HOOK3: variants seen among roughly 807,000 people sequenced by gnomAD.
HOOK3 encodes protein Hook homolog 3.
A neutral mutation model predicts 116.3 loss-of-function variants in HOOK3; 24 were observed. The observed-to-expected ratio is 0.21, with a 90% CI of 0.15 to 0.29. The LOEUF (loss-of-function observed/expected upper bound fraction) is 0.29. Ranked by LOEUF, HOOK3 falls within the 10% of genes least tolerant of loss-of-function variation. The probability of loss-of-function intolerance (pLI) is 1.00; values close to 1 mark genes in which losing one functional copy is unlikely to be tolerated. For synonymous variants in HOOK3, 275 were observed against 283.0 expected (o/e 0.97, Z 0.28); for missense variants, 632 against 830.2 (o/e 0.76, Z 2.93).
At chr8:42,967,095 CTT>C (rs561097125) in intron 10 of HOOK3, among the ~76,000 whole-genome samples, 127 of 152,156 alleles carry the variant, frequency 8.3e-4, no homozygotes, top group South Asian at 2.5e-3. Flanking sequence ...ACATTTTCCA[CTT>C]TTGCTCTTTG....
In HOOK3 at chr8:42,996,429, C is replaced by G; in HGVS notation, c.1533-1121C>G. On this transcript the variant is annotated intron_variant, in intron 15 of 21. Transcript: ENST00000307602. Reference sequence around the variant, plus strand: ...GAAAAAGAAAAAGAAAAAAGAAAGTCAAGCCGTGGAATCAGCGTTATTTAA... The same window carrying G: ...GAAAAAGAAAAAGAAAAAAGAAAGTGAAGCCGTGGAATCAGCGTTATTTAA... Among the ~76,000 whole-genome samples, 2 of 150,982 alleles carry G rather than the reference C, an allele frequency of 1.3e-5. 1 individual carries two copies. The highest frequency in any genetic ancestry group is 3.0e-5 in the Non-Finnish European group (2 of 67,710).
Position 42,982,636 on chromosome 8 carries a change from C to T in HOOK3, c.1331C>T (p.Pro444Leu), listed in dbSNP as rs149857905. 136 of 1,608,628 alleles carry T rather than the reference C, an allele frequency of 8.5e-5. No homozygotes were observed. The East Asian group carries it at 2.5e-3, about 29-fold the overall frequency. The change falls in exon 14 of 22, where the codon CCT (proline) becomes CTT (leucine). Residue 444 changes from proline (P) to leucine (L), a missense_variant. Around this residue, in one of 3 missense-constraint regions of HOOK3, gnomAD observed 483 missense variants for 648.1 expected, o/e 0.75. Coordinates refer to ENST00000307602, the MANE Select transcript of HOOK3 (RefSeq NM_032410.4). The stretch of plus-strand genomic sequence containing the variant: ...GTTTGTATATTTACAGGGTTAATGC[C>T]TCTTGGAAGTCAGGAGTCTTCAGAC... Reference protein sequence around the residue: ...EGQLTTQGLMPLGSQESSDSL... With the variant: ...EGQLTTQGLMLLGSQESSDSL...
chr8:42,922,602 A>G (rs769562812), intron 2 of HOOK3, among the ~76,000 whole-genome samples: 2 of 151,874 alleles, frequency 1.3e-5, no homozygotes, highest in Non-Finnish European at 2.9e-5. Context: ...TGCCATCAAG[A>G]AAGTGGAAAA....
At chr8:42,909,401 A>G (rs1457656291) in intron 2 of HOOK3, among the ~76,000 whole-genome samples, 1 of 152,248 alleles carries the variant, frequency 6.6e-6, no homozygotes, top group Non-Finnish European at 1.5e-5. Context: ...ATAAGTGCCT[A>G]TTAGCGAATG....
At chr8:42,919,754 A>G (rs1345268787) in intron 2 of HOOK3, among the ~76,000 whole-genome samples, 1 of 152,220 alleles carries the variant, frequency 6.6e-6, no homozygotes, top group Non-Finnish European at 1.5e-5. Flanking sequence ...CAGCCCAGCC[A>G]ACACGGTGAA....
chr8:42,976,822 G>A (rs1004897289), intron 13 of HOOK3, among the ~76,000 whole-genome samples: 13 of 152,154 alleles, frequency 8.5e-5, no homozygotes, highest in Admixed American at 3.3e-4. Context: ...GCGTGAACCC[G>A]GGAGGCAGAG....
chr8:42,956,987 A>G (rs1335251269), intron 6 of HOOK3, 107 bp from the exon 7 acceptor site: 2 of 558,740 alleles, frequency 3.6e-6, no homozygotes, highest in Non-Finnish European at 6.0e-6. Flanking sequence ...TTTCATTTTA[A>G]TTTTTATATT....
At chr8:42,954,208 T>C (rs1808395608) in intron 6 of HOOK3, among the ~76,000 whole-genome samples, 1 of 152,160 alleles carries the variant, frequency 6.6e-6, no homozygotes, top group African/African-American at 2.4e-5. Flanking sequence ...GGAAAACAAA[T>C]AAACTTGCTT....
In HOOK3 at chr8:42,986,733, C is replaced by G; in HGVS notation, c.1470C>G (p.Ala490=). ...NQEGSDNEKI[A]LLQSLLDDAN... ...AAGGTTCGGACAATGAAAAAATAGCCTTATTGCAGAGCCTTCTAGATGATG... is the reference window on the plus strand; with the variant it reads ...AAGGTTCGGACAATGAAAAAATAGCGTTATTGCAGAGCCTTCTAGATGATG... The change falls in exon 15 of 22, where the codon GCC becomes GCG. Residue 490 remains alanine (A), a synonymous_variant. Transcript: ENST00000307602. The G allele has an allele frequency of 6.2e-7, 1 of 1,613,620 alleles. No homozygotes were observed. Among genetic ancestry groups the G allele is most frequent in the Non-Finnish European group, 8.5e-7 (1 of 1,179,672 alleles).
Position 43,018,965 on chromosome 8 carries a change from A to G in HOOK3, c.*467A>G. On this transcript the variant is annotated 3_prime_UTR_variant, in exon 22 of 22. Transcript: ENST00000307602. Reference sequence around the variant, plus strand: ...ATTGTTTTCCAAGTACAGTTCAAATAACTTGCATATTTACTATACAAAATG... The same window carrying G: ...ATTGTTTTCCAAGTACAGTTCAAATGACTTGCATATTTACTATACAAAATG... 4.7e-6 allele frequency: 1 copy of G among 214,014 alleles called. No homozygotes were observed. Among genetic ancestry groups the G allele is most frequent in the Non-Finnish European group, 9.5e-6 (1 of 105,740 alleles). 13.3% of individuals were successfully genotyped at this position (214,014 alleles called of 1,614,324 possible).
chr8:42,927,136 A>G (rs1425077048), intron 3 of HOOK3, among the ~76,000 whole-genome samples: 1 of 152,154 alleles, frequency 6.6e-6, no homozygotes, highest in Non-Finnish European at 1.5e-5. Context: ...TTCCCCAAGA[A>G]ACATGTTTGA....
intron 15 of HOOK3, among the ~76,000 whole-genome samples, chr8:42,994,797 T>C (rs900400682): frequency 5.9e-5 from 9 of 152,232 alleles, no homozygotes; most frequent in Non-Finnish European, 7.3e-5. Flanking sequence ...CTATTCCCCA[T>C]TGAGAGAATT....
At chr8:42,976,030 G>GTA (rs1021994847) in intron 13 of HOOK3, among the ~76,000 whole-genome samples, 68 of 143,578 alleles carry the variant, frequency 4.7e-4, no homozygotes, top group African/African-American at 1.7e-3. Context: ...ATGTGTGTGT[G>GTA]TATATATATA....
At chr8:43,006,121 C>T (rs1228036111) in intron 17 of HOOK3, among the ~76,000 whole-genome samples, 3 of 123,988 alleles carry the variant, frequency 2.4e-5, no homozygotes, top group Non-Finnish European at 5.2e-5. Flanking sequence ...CCCGGGTTCA[C>T]GCCATTCTCC....
intron 4 of HOOK3, among the ~76,000 whole-genome samples, chr8:42,935,472 G>A (rs923167863): frequency 1.3e-5 from 2 of 152,054 alleles, no homozygotes; most frequent in African/African-American, 4.8e-5. Flanking sequence ...GCCCATGCCT[G>A]TGTCCTGAAT....
intron 9 of HOOK3, among the ~76,000 whole-genome samples, chr8:42,964,964 G>A (rs1349614086): frequency 6.6e-6 from 1 of 152,190 alleles, no homozygotes; most frequent in Non-Finnish European, 1.5e-5. Flanking sequence ...CTATCAGAGC[G>A]CCACCCTCCT....
chr8:42,911,595 G>T (rs1807430254), intron 2 of HOOK3, among the ~76,000 whole-genome samples: 2 of 152,156 alleles, frequency 1.3e-5, no homozygotes, highest in Non-Finnish European at 2.9e-5. Context: ...GTGATGATTA[G>T]TTAGAAAGAA....
intron 14 of HOOK3, among the ~76,000 whole-genome samples, chr8:42,983,649 A>AT (rs1808995177): frequency 1.3e-5 from 2 of 151,908 alleles, no homozygotes. Context: ...ACGCCTGGCT[A>AT]TTTTTTGTAG....
chr8:42,988,230 C>T (rs1809084962), intron 15 of HOOK3, among the ~76,000 whole-genome samples: 1 of 152,144 alleles, frequency 6.6e-6, no homozygotes, highest in Non-Finnish European at 1.5e-5. Flanking sequence ...GAAATGGAGA[C>T]AGTGGAGCGG....
Sources: allele counts gnomAD v4.1 joint callset (sites outside exome capture counted in the v4.1 genomes callset), GRCh38; gene constraint gnomAD v4.1.1; regional missense constraint gnomAD v4.1.1; transcripts MANE v1.5; gene names NCBI Gene and HGNC (gene_info 2026-07-23, HGNC 2026-07-21).